The following ERP44 variants were observed in gnomAD, a reference collection of about 807,000 sequenced individuals.
ERP44 encodes endoplasmic reticulum resident protein 44.
A neutral mutation model predicts 53.4 loss-of-function variants in ERP44; 25 were observed. That is an observed-to-expected ratio of 0.47 (90% CI 0.34 to 0.65). The LOEUF (loss-of-function observed/expected upper bound fraction) is 0.65. Among genes scored for constraint, ERP44 ranks in the 30% least tolerant of loss-of-function variants. ERP44 has a pLI of 0.01. For synonymous variants in ERP44, 145 were observed against 161.2 expected (o/e 0.90, Z 0.76); for missense variants, 338 against 493.2 (o/e 0.69, Z 2.98).
rs1010758464 is a variant in ERP44, at chr9:99,981,373, C to T, written c.*1239G>A. On this transcript the variant is annotated 3_prime_UTR_variant, in exon 12 of 12. Coordinates refer to ENST00000262455, the MANE Select transcript of ERP44 (RefSeq NM_015051.3). Reference sequence around the variant, plus strand: ...TGGAAGATGTTACATATATTACATACTACATATAATGGCACATGTCAGCCT... The same window carrying T: ...TGGAAGATGTTACATATATTACATATTACATATAATGGCACATGTCAGCCT... The T allele has an allele frequency of 1.3e-5, 2 of 152,538 alleles. No individual in the cohort carries two copies. Among genetic ancestry groups the T allele is most frequent in the African/African-American group, 4.8e-5 (2 of 41,414 alleles). 9.4% of individuals were successfully genotyped at this position (152,538 alleles called of 1,614,324 possible). A position where few individuals can be genotyped will look rare whatever the true frequency, so the allele number is the denominator to read the frequency against.
chr9:99,998,924 C>T, intron 10 of ERP44: 1 of 1,596,440 alleles, frequency 6.3e-7, no homozygotes, highest in Non-Finnish European at 8.6e-7. Context: ...TGGCACTGGT[C>T]TTCTCTTCCT....
At chr9:99,984,235 AG>A (rs1309070471) in intron 11 of ERP44, among the ~76,000 whole-genome samples, 1 of 152,136 alleles carries the variant, frequency 6.6e-6, no homozygotes, top group African/African-American at 2.4e-5. Flanking sequence ...AATGGATTTA[AG>A]TTCTGAGCAT....
At chr9:100,081,214 G>A (rs937205398) in intron 1 of ERP44, among the ~76,000 whole-genome samples, 1 of 151,866 alleles carries the variant, frequency 6.6e-6, no homozygotes, top group African/African-American at 2.4e-5. Context: ...CAACAGGTTG[G>A]AAATTAAAAA....
chr9:100,002,820 A>G (rs1830392247), intron 10 of ERP44, among the ~76,000 whole-genome samples: 1 of 152,060 alleles, frequency 6.6e-6, no homozygotes, highest in Non-Finnish European at 1.5e-5. Flanking sequence ...ATCTGATTGG[A>G]GTTCTTTGAC....
intron 1 of ERP44, among the ~76,000 whole-genome samples, chr9:100,071,279 C>CAA (rs1826301349): frequency 6.6e-6 from 1 of 151,892 alleles, no homozygotes; most frequent in Admixed American, 6.6e-5. Flanking sequence ...CATTCTTTAG[C>CAA]CCTTTTACTA....
intron 1 of ERP44, among the ~76,000 whole-genome samples, chr9:100,098,388 A>T (rs1826679173): frequency 6.6e-6 from 1 of 152,150 alleles, no homozygotes; most frequent in African/African-American, 2.4e-5. Context: ...ACACAACCCC[A>T]GCACCTGTCG....
chr9:100,096,810 G>A (rs1047554237), intron 1 of ERP44, among the ~76,000 whole-genome samples: 1 of 152,106 alleles, frequency 6.6e-6, no homozygotes, highest in South Asian at 2.1e-4. Context: ...TAGGAAAAAA[G>A]TACACGGGGG....
chr9:100,040,040 CA>C (rs547305259), intron 4 of ERP44, among the ~76,000 whole-genome samples: 2 of 149,642 alleles, frequency 1.3e-5, no homozygotes, highest in Non-Finnish European at 1.5e-5. Flanking sequence ...AAGCTTCTGG[CA>C]AAAAAAAAGC....
chr9:99,986,895 GC>G (rs1280539505), intron 10 of ERP44, among the ~76,000 whole-genome samples: 1 of 152,198 alleles, frequency 6.6e-6, no homozygotes, highest in African/African-American at 2.4e-5. Context: ...GTCACCCACA[GC>G]AAGTGCTAAA....
At chr9:100,077,211 C>T (rs1826367518) in intron 1 of ERP44, among the ~76,000 whole-genome samples, 1 of 152,212 alleles carries the variant, frequency 6.6e-6, no homozygotes, top group Admixed American at 6.5e-5. Flanking sequence ...TCGAGGCATG[C>T]CTTATCCACT....
chr9:99,998,429 C>A, intron 10 of ERP44: 2 of 653,702 alleles, frequency 3.1e-6, no homozygotes, highest in South Asian at 3.5e-5. Flanking sequence ...GTTTGCCAGT[C>A]ACTCCTTTCT....
chr9:100,093,497 A>G (rs1217876303), intron 1 of ERP44, among the ~76,000 whole-genome samples: 3 of 152,182 alleles, frequency 2.0e-5, no homozygotes, highest in Non-Finnish European at 4.4e-5. Flanking sequence ...TACAAAAATT[A>G]GCTGGGTGTG....
intron 1 of ERP44, among the ~76,000 whole-genome samples, chr9:100,082,218 G>T (rs891856730): frequency 9.2e-5 from 14 of 151,760 alleles, no homozygotes; most frequent in African/African-American, 3.4e-4. Flanking sequence ...GCCTCCCTCA[G>T]TTAAAATATA....
intron 6 of ERP44, among the ~76,000 whole-genome samples, chr9:100,019,918 C>T (rs1439512660): frequency 6.6e-6 from 1 of 151,890 alleles, no homozygotes; most frequent in Non-Finnish European, 1.5e-5. Context: ...AAGTTTTTTA[C>T]TGGTTAGAAT....
intron 10 of ERP44, among the ~76,000 whole-genome samples, chr9:99,993,708 C>T (rs936754241): frequency 3.3e-5 from 5 of 152,140 alleles, no homozygotes; most frequent in Non-Finnish European, 5.9e-5. Context: ...AAGAAACTAC[C>T]ATCAGAGTGA....
In ERP44 at chr9:100,043,291, A is replaced by AAAAAAAAAAAAAAAAAAAAAAAAAAAAAG. The variant is rs1168903331; in HGVS notation, c.286+9125_286+9126insCTTTTTTTTTTTTTTTTTTTTTTTTTTTT. ...AAAAAAAAAAAAAAAAAAAAAAAAA[A>AAAAAAAAAAAAAAAAAAAAAAAAAAAAAG]GATAAATAAGACATAGTATTTGCTA... On this transcript the variant is annotated intron_variant, in intron 4 of 11. Coordinates refer to ENST00000262455, the MANE Select transcript of ERP44 (RefSeq NM_015051.3). Among the ~76,000 whole-genome samples, 10 of 74,926 alleles carry AAAAAAAAAAAAAAAAAAAAAAAAAAAAAG rather than the reference A, an allele frequency of 1.3e-4. 4 individuals carry two copies. The highest frequency in any genetic ancestry group is 5.8e-4 in the African/African-American group (10 of 17,162). The allele number at this position is 74,926 out of a possible 152,430, so 49.2% of individuals were successfully genotyped here. A position where few individuals can be genotyped will look rare whatever the true frequency, so the allele number is the denominator to read the frequency against.
chr9:100,081,559 A>G (rs954281332), intron 1 of ERP44, among the ~76,000 whole-genome samples: 7 of 152,104 alleles, frequency 4.6e-5, no homozygotes, highest in Non-Finnish European at 8.8e-5. Flanking sequence ...AAAATGACCT[A>G]AGTGAGATTT....
intron 1 of ERP44, among the ~76,000 whole-genome samples, chr9:100,067,050 T>C (rs1826217730): frequency 6.6e-6 from 1 of 152,194 alleles, no homozygotes; most frequent in African/African-American, 2.4e-5. Flanking sequence ...ATCTTGGTCA[T>C]GTGAGAACCA....
At chr9:100,070,418 C>A (rs1478347413) in intron 1 of ERP44, among the ~76,000 whole-genome samples, 1 of 152,166 alleles carries the variant, frequency 6.6e-6, no homozygotes. Context: ...ATTTAAAAGT[C>A]ATCCATAATT....
Sources: gnomAD v4.1 joint callset for allele counts (sites outside exome capture counted in the v4.1 genomes callset) on GRCh38, gnomAD v4.1.1 for gene constraint, MANE v1.5 for transcripts, NCBI Gene and HGNC (gene_info 2026-07-23, HGNC 2026-07-21) for gene names.